The following MBNL2 variants were observed in gnomAD, a reference collection of about 807,000 sequenced individuals.
MBNL2 encodes muscleblind like splicing regulator 2, also known as muscleblind-like protein 2.
In MBNL2, 17 loss-of-function variants were observed where a neutral mutation model predicts 41.9. The observed-to-expected ratio is 0.41, with a 90% CI of 0.28 to 0.61. The LOEUF (loss-of-function observed/expected upper bound fraction) is 0.61. MBNL2 is among the 20% of genes least tolerant of loss of function. The pLI is 0.35. For missense variants in MBNL2, 336 were observed against 505.6 expected, an observed-to-expected ratio of 0.66 and a Z score of 3.22; for synonymous variants, 195 against 182.9, an observed-to-expected ratio of 1.07 and a Z score of -0.53.
upstream of MBNL2, among the ~76,000 whole-genome samples, chr13:97,218,440 C>CAAAAAAAAAAAAAAAAAAAAA (rs372883729): frequency 8.5e-6 from 1 of 117,964 alleles, no homozygotes; most frequent in Admixed American, 8.7e-5. Flanking sequence ...CAAAACAAAA[C>CAAAAAAAAAAAAAAAAAAAAA]AAAAAAAAAA....
intron 7 of MBNL2, among the ~76,000 whole-genome samples, chr13:97,358,996 GT>G (rs796533514): frequency 7.9e-5 from 12 of 152,122 alleles, no homozygotes; most frequent in East Asian, 3.9e-4. Context: ...GGTTTTCAGT[GT>G]TTTTTTCTTA....
chr13:97,275,477 T>C (rs2052010910), intron 1 of MBNL2, among the ~76,000 whole-genome samples, 155 bp from the exon 2 acceptor site: 1 of 152,118 alleles, frequency 6.6e-6, no homozygotes, highest in Non-Finnish European at 1.5e-5. Flanking sequence ...TTGCATATTC[T>C]TTTTTTTATT....
At chr13:97,212,790 A>T in the MBNL2 span, among the ~76,000 whole-genome samples, 25,584 of 152,202 alleles carry the variant, frequency 0.17, 2,872 homozygotes, top group African/African-American at 0.32. Flanking sequence ...CTATGTGAGC[A>T]CCCCAGAAGT....
At chr13:97,288,248 A>G (rs552480287) in intron 2 of MBNL2, among the ~76,000 whole-genome samples, 1 of 152,248 alleles carries the variant, frequency 6.6e-6, no homozygotes, top group South Asian at 2.1e-4. Flanking sequence ...ATCTGTCCAT[A>G]CTACTTGGAC....
intron 1 of MBNL2, among the ~76,000 whole-genome samples, chr13:97,233,439 T>C (rs2042749008): frequency 6.7e-6 from 1 of 149,610 alleles, no homozygotes; most frequent in African/African-American, 2.5e-5. Context: ...GTCTCTTTTC[T>C]AATGTCCTGT....
intron 2 of MBNL2, among the ~76,000 whole-genome samples, chr13:97,299,648 A>ATATCATCTATC (rs2057411401): frequency 6.7e-6 from 1 of 149,250 alleles, no homozygotes; most frequent in African/African-American, 2.5e-5. Context: ...TAGAATTACT[A>ATATCATCTATC]TATCTATCTA....
At chr13:97,285,940 T>C (rs536853831) in intron 2 of MBNL2, among the ~76,000 whole-genome samples, 4 of 152,338 alleles carry the variant, frequency 2.6e-5, no homozygotes, top group Admixed American at 6.5e-5. Flanking sequence ...ACATCTTCTC[T>C]ACACATCCAT....
chr13:97,328,616 G>A (rs147651332), intron 2 of MBNL2, among the ~76,000 whole-genome samples: 3 of 152,156 alleles, frequency 2.0e-5, no homozygotes, highest in Non-Finnish European at 2.9e-5. Flanking sequence ...GGAGTCTGCC[G>A]GTCAATGACT....
chr13:97,158,845 T>A, the MBNL2 span, among the ~76,000 whole-genome samples: 1 of 152,082 alleles, frequency 6.6e-6, no homozygotes, highest in African/African-American at 2.4e-5. Flanking sequence ...ATAGGTGTGG[T>A]GTGGTGCTGA....
intron 2 of MBNL2, among the ~76,000 whole-genome samples, chr13:97,302,338 C>A (rs1413308708): frequency 6.6e-6 from 1 of 152,134 alleles, no homozygotes; most frequent in Non-Finnish European, 1.5e-5. Flanking sequence ...AGCGTTACCT[C>A]TGTATTATGG....
intron 3 of MBNL2, among the ~76,000 whole-genome samples, chr13:97,338,317 CT>C (rs1021682915): frequency 3.9e-5 from 6 of 152,220 alleles, no homozygotes; most frequent in Non-Finnish European, 5.9e-5. Flanking sequence ...AGGTCCACCC[CT>C]GTAACCCACA....
At chr13:97,148,358 A>G in the MBNL2 span, among the ~76,000 whole-genome samples, 2 of 152,168 alleles carry the variant, frequency 1.3e-5, no homozygotes, top group African/African-American at 4.8e-5. Flanking sequence ...GGCCCAGAGA[A>G]CTATTAAAAC....
At position 97,329,795 on chromosome 13, in the gene MBNL2, T is replaced by G. The variant is rs61619559; in HGVS notation, c.175-4481T>G. Among the ~76,000 whole-genome samples, 520 of 84,886 alleles carry G rather than the reference T, an allele frequency of 6.1e-3. 10 individuals carry two copies. Among genetic ancestry groups the G allele is most frequent in the African/African-American group, 0.015 (502 of 33,612 alleles). The allele number at this position is 84,886 out of a possible 152,430, so 55.7% of individuals were successfully genotyped here. A position where few individuals can be genotyped will look rare whatever the true frequency, so the allele number is the denominator to read the frequency against. ...CACAACAGGAAACACACAATACATA[T>G]AATACATACAACATACATGCATACA... On this transcript the variant is annotated intron_variant, in intron 2 of 8. Transcript: ENST00000679496.
intron 1 of MBNL2, among the ~76,000 whole-genome samples, chr13:97,237,600 C>T (rs2043519607): frequency 6.6e-6 from 1 of 152,152 alleles, no homozygotes; most frequent in Non-Finnish European, 1.5e-5. Context: ...GAGGAGAAAA[C>T]ATCTGACATG....
chr13:97,249,308 C>T (rs965203893), intron 1 of MBNL2, among the ~76,000 whole-genome samples: 17 of 152,134 alleles, frequency 1.1e-4, no homozygotes, highest in Non-Finnish European at 2.5e-4. Flanking sequence ...GACATTTGAC[C>T]TATTGTTCAG....
At chr13:97,385,655 A>G (rs1268767516) in intron 8 of MBNL2, among the ~76,000 whole-genome samples, 2 of 152,218 alleles carry the variant, frequency 1.3e-5, no homozygotes, top group African/African-American at 4.8e-5. Flanking sequence ...CATAAGAAGT[A>G]TAAACACTTC....
Position 97,357,569 on chromosome 13 carries a change from G to A in MBNL2, c.946G>A (p.Val316Ile), listed in dbSNP as rs1300870013. ...TACCAGCGCGGTCTTTAACCCCAGC[G>A]TCTTGCACTACCAGCAGGCTCTCAC... ...NGTSAVFNPS[V>I]LHYQQALTSA... The change falls in exon 7 of 9, where the codon GTC becomes ATC. Residue 316 changes from valine to isoleucine, a missense_variant. Transcript: ENST00000679496. The A allele has an allele frequency of 3.1e-6, 5 of 1,613,836 alleles. No individual in the cohort carries two copies. Among genetic ancestry groups the A allele is most frequent in the Middle Eastern group, 1.6e-4 (1 of 6,084 alleles).
intron 1 of MBNL2, among the ~76,000 whole-genome samples, chr13:97,238,394 G>C (rs1336467532): frequency 6.6e-6 from 1 of 152,158 alleles, no homozygotes; most frequent in Non-Finnish European, 1.5e-5. Context: ...AGGGCACCTT[G>C]GAACAGGTGT....
At position 97,300,978 on chromosome 13, in the gene MBNL2, T is replaced by C. The variant is rs74103233; in HGVS notation, c.174+24569T>C. Among the ~76,000 whole-genome samples, 1,480 of 152,308 alleles carry C rather than the reference T, an allele frequency of 9.7e-3. 26 individuals are homozygous for C. The highest frequency in any genetic ancestry group is 0.035 in the African/African-American group (1,443 of 41,566). ...ACACCAGCTGTCCCCTTTGGAAACATCTGTTGAATTAGCCAAACAAGACAT... is the reference window on the plus strand; with the variant it reads ...ACACCAGCTGTCCCCTTTGGAAACACCTGTTGAATTAGCCAAACAAGACAT... On this transcript the variant is annotated intron_variant, in intron 2 of 8. Transcript: ENST00000679496.
Sources: gnomAD v4.1 joint callset for allele counts (sites outside exome capture counted in the v4.1 genomes callset) on GRCh38, gnomAD v4.1.1 for gene constraint, MANE v1.5 for transcripts, NCBI Gene and HGNC (gene_info 2026-07-23, HGNC 2026-07-21) for gene names.